Variants in CFAP221 observed in about 807,000 individuals in gnomAD.
The protein encoded by CFAP221 is cilia and flagella associated protein 221, also known as cilia- and flagella-associated protein 221.
In CFAP221, 97 loss-of-function variants were observed where a neutral mutation model predicts 113.1. That is an observed-to-expected ratio of 0.86 (90% CI 0.73 to 1.02). CFAP221 has a LOEUF of 1.02. Ranked by LOEUF, CFAP221 falls within the 50% of genes least tolerant of loss-of-function variation. CFAP221 has a pLI of 0.00. For synonymous variants in CFAP221, 331 were observed against 354.4 expected (o/e 0.93, Z 0.74); for missense variants, 1,025 against 1,013.4 (o/e 1.01, Z -0.16).
At position 119,590,125 on chromosome 2, in the gene CFAP221, A is replaced by G. The variant is rs529748870; in HGVS notation, c.631+2903A>G. 3.9e-5 allele frequency: 6 copies of G among 152,336 alleles called. No individual in the cohort carries two copies. In the East Asian group the frequency reaches 9.6e-4, roughly 24 times the overall value. 9.4% of individuals were successfully genotyped at this position (152,336 alleles called of 1,614,324 possible). A position where few individuals can be genotyped will look rare whatever the true frequency, so the allele number is the denominator to read the frequency against. On this transcript the variant is annotated intron_variant, in intron 7 of 23. Transcript: ENST00000413369. ...TGCATCTAACTCATATAAATGGTAA[A>G]TTATAGCATTAAGTGGCTGGCTAAG... is the stretch of plus-strand genomic sequence containing the variant.
intron 6 of CFAP221, among the ~76,000 whole-genome samples, chr2:119,564,691 A>G (rs996702084): frequency 1.3e-5 from 2 of 152,204 alleles, no homozygotes; most frequent in African/African-American, 4.8e-5. Context: ...GTTCAGCCAC[A>G]TTATTATACA....
chr2:119,614,930 A>T (rs2104710861), intron 13 of CFAP221, among the ~76,000 whole-genome samples: 1 of 152,334 alleles, frequency 6.6e-6, no homozygotes, highest in South Asian at 2.1e-4. Flanking sequence ...CATGGGCCAT[A>T]TCAGAGTCCA....
chr2:119,547,524 A>T (rs1680134862), intron 2 of CFAP221, among the ~76,000 whole-genome samples: 1 of 152,182 alleles, frequency 6.6e-6, no homozygotes, highest in Non-Finnish European at 1.5e-5. Context: ...GCGCCACTGC[A>T]CTCCAGTCAG....
intron 14 of CFAP221, among the ~76,000 whole-genome samples, chr2:119,621,859 A>G (rs1439729774): frequency 6.6e-6 from 1 of 152,202 alleles, no homozygotes; most frequent in Non-Finnish European, 1.5e-5. Flanking sequence ...GACACAACAT[A>G]CCAGAATCTC....
At position 119,572,193 on chromosome 2, in the gene CFAP221, G is replaced by A. The variant is rs953681122; in HGVS notation, c.527+10079G>A. 7.2e-5 allele frequency among the ~76,000 whole-genome samples: 11 copies of A among 152,218 alleles called. No individual in the cohort carries two copies. In the East Asian group the frequency reaches 2.1e-3, roughly 29 times the overall value. Reference sequence around the variant, plus strand: ...CTATAAACAACTTTGGTGGCTTGAGGTCTGGTAAAATGTATTTTGACAGCC... The same window carrying A: ...CTATAAACAACTTTGGTGGCTTGAGATCTGGTAAAATGTATTTTGACAGCC... On this transcript the variant is annotated intron_variant, in intron 6 of 23. Transcript: ENST00000413369.
intron 19 of CFAP221, among the ~76,000 whole-genome samples, chr2:119,632,415 A>G (rs1156401136): frequency 1.3e-5 from 2 of 152,220 alleles, no homozygotes; most frequent in Non-Finnish European, 2.9e-5. Context: ...TCTCAATAGT[A>G]ACAGAAAAAT....
rs567803941 is a variant in CFAP221, at chr2:119,615,593, T to C, written c.1312-18T>C. 11 of 1,547,392 alleles carry C rather than the reference T, an allele frequency of 7.1e-6. No individual in the cohort carries two copies. In the African/African-American group the frequency reaches 1.2e-4, roughly 17 times the overall value. On this transcript the variant is annotated intron_variant, in intron 13 of 23. Coordinates refer to ENST00000413369, the MANE Select transcript of CFAP221 (RefSeq NM_001271049.2). ...TTAAAATTTAAATGTAAGATGTGCCTATATTTTATATTCACAGAAAATCAA... is the reference window on the plus strand; with the variant it reads ...TTAAAATTTAAATGTAAGATGTGCCCATATTTTATATTCACAGAAAATCAA...
intron 6 of CFAP221, among the ~76,000 whole-genome samples, chr2:119,574,080 G>C (rs1682255386): frequency 6.6e-6 from 1 of 152,194 alleles, no homozygotes; most frequent in Admixed American, 6.5e-5. Context: ...AAAAACCTAA[G>C]ATGAAGAAAG....
intron 6 of CFAP221, among the ~76,000 whole-genome samples, chr2:119,582,397 AGG>A (rs975914150): frequency 1.8e-4 from 28 of 151,908 alleles, no homozygotes; most frequent in African/African-American, 6.8e-4. Context: ...TGTATTTGGG[AGG>A]ATAGAAATAC....
intron 6 of CFAP221, among the ~76,000 whole-genome samples, chr2:119,568,833 T>A (rs1574022096): frequency 6.6e-6 from 1 of 152,218 alleles, no homozygotes; most frequent in African/African-American, 2.4e-5. Flanking sequence ...TTTTGACCCA[T>A]ATTATATTAA....
chr2:119,561,283 C>A (rs574061710), intron 5 of CFAP221, among the ~76,000 whole-genome samples: 1 of 151,694 alleles, frequency 6.6e-6, no homozygotes, highest in Admixed American at 6.6e-5. Context: ...AAGCGAGACT[C>A]CATCTCAAAA....
At position 119,546,255 on chromosome 2, in the gene CFAP221, C is replaced by A; in HGVS notation, c.124C>A (p.His42Asn). Residue 42 changes from histidine (H) to asparagine (N), a missense_variant, in exon 2 of 24, where the codon CAC becomes AAC. By Grantham distance (68) the His-to-Asn change is moderately conservative. Coordinates refer to ENST00000413369, the MANE Select transcript of CFAP221 (RefSeq NM_001271049.2). Reference protein sequence around the residue: ...EPKKRKEVPNHLLESKVYAKL... With the variant: ...EPKKRKEVPNNLLESKVYAKL... ...GAAAAAAAGAAAAGAAGTACCTAAT[C>A]ACCTCCTAGAATCAAGTAAGTGGCT... 13 of 1,535,124 alleles carry A rather than the reference C, an allele frequency of 8.5e-6. No homozygotes were observed. Among genetic ancestry groups the A allele is most frequent in the Non-Finnish European group, 1.1e-5 (13 of 1,146,528 alleles).
intron 6 of CFAP221, among the ~76,000 whole-genome samples, chr2:119,571,446 C>T (rs774147854): frequency 4.0e-5 from 6 of 151,596 alleles, no homozygotes; most frequent in Non-Finnish European, 8.8e-5. Flanking sequence ...GGCCAACAAC[C>T]ACTTTTTTTT....
At chr2:119,640,944 C>T (rs1236419508) in intron 21 of CFAP221, among the ~76,000 whole-genome samples, 2 of 152,202 alleles carry the variant, frequency 1.3e-5, no homozygotes, top group African/African-American at 4.8e-5. Context: ...AGGCCATTCT[C>T]AGCGTTGATG....
At chr2:119,605,780 C>T (rs978898330) in intron 11 of CFAP221, among the ~76,000 whole-genome samples, 14 of 151,970 alleles carry the variant, frequency 9.2e-5, no homozygotes, top group Non-Finnish European at 5.9e-5. Context: ...TTTTTTTTTA[C>T]CAGATCAGAC....
chr2:119,649,062 T>C (rs1240594361), intron 22 of CFAP221, among the ~76,000 whole-genome samples: 1 of 152,226 alleles, frequency 6.6e-6, no homozygotes, highest in African/African-American at 2.4e-5. Context: ...TGTGGTGAGA[T>C]GGATGTCTTC....
chr2:119,643,221 G>A (rs951542709), intron 21 of CFAP221, among the ~76,000 whole-genome samples: 1 of 152,150 alleles, frequency 6.6e-6, no homozygotes, highest in Non-Finnish European at 1.5e-5. Flanking sequence ...TATTACTTAC[G>A]AGGTTTGCCT....
intron 23 of CFAP221, among the ~76,000 whole-genome samples, chr2:119,654,277 ATTAG>A (rs1688299081): frequency 6.6e-6 from 1 of 152,220 alleles, no homozygotes; most frequent in South Asian, 2.1e-4. Flanking sequence ...TAATTAATTA[ATTAG>A]TTAATTAATA....
chr2:119,631,617 G>A (rs1032652960), intron 19 of CFAP221, among the ~76,000 whole-genome samples: 1 of 152,222 alleles, frequency 6.6e-6, no homozygotes, highest in Non-Finnish European at 1.5e-5. Context: ...GGAGGTTGCA[G>A]TGAGCTGAGA....
Sources: allele counts gnomAD v4.1 joint callset (sites outside exome capture counted in the v4.1 genomes callset), GRCh38; gene constraint gnomAD v4.1.1; transcripts MANE v1.5; gene names NCBI Gene and HGNC (gene_info 2026-07-23, HGNC 2026-07-21).